SPAG17: variants seen among roughly 807,000 people sequenced by gnomAD.
The protein encoded by SPAG17 is sperm-associated antigen 17.
In SPAG17, 169 loss-of-function variants were observed where a neutral mutation model predicts 273.6. That is an observed-to-expected ratio of 0.62 (90% confidence interval 0.55 to 0.70). The LOEUF (loss-of-function observed/expected upper bound fraction) is 0.70. SPAG17 is among the 30% of genes least tolerant of loss of function. SPAG17 has a pLI of 0.00. For missense variants in SPAG17, 2,557 were observed against 2,627.8 expected (o/e 0.97, Z 0.59); for synonymous variants, 825 against 873.2 (o/e 0.94, Z 0.97).
intron 1 of SPAG17, among the ~76,000 whole-genome samples, chr1:118,174,265 C>A (rs1660575101): frequency 6.6e-6 from 1 of 151,798 alleles, no homozygotes; most frequent in Admixed American, 6.6e-5. Flanking sequence ...ATGAGAATAT[C>A]AACAAAAAGA....
intron 3 of SPAG17, among the ~76,000 whole-genome samples, chr1:118,149,568 G>C (rs532825605): frequency 6.6e-6 from 1 of 152,282 alleles, no homozygotes; most frequent in African/African-American, 2.4e-5. Context: ...GATAACTTTG[G>C]CATGATGGTG....
chr1:118,027,459 A>C, intron 26 of SPAG17, among the ~76,000 whole-genome samples: 1 of 152,226 alleles, frequency 6.6e-6, no homozygotes, highest in South Asian at 2.1e-4. Context: ...TTAAGTTGTG[A>C]AACTGTAAAG....
intron 3 of SPAG17, among the ~76,000 whole-genome samples, chr1:118,145,134 T>G (rs1658903365): frequency 6.6e-6 from 1 of 152,210 alleles, no homozygotes; most frequent in African/African-American, 2.4e-5. Context: ...AGAGCTGCCA[T>G]TTTAATAACT....
intron 48 of SPAG17, chr1:117,954,506 T>C: frequency 3.6e-6 from 5 of 1,405,734 alleles, no homozygotes; most frequent in Non-Finnish European, 4.9e-6. Context: ...AAAATACAGT[T>C]ACCACTCTGT....
At chr1:118,092,042 C>A in intron 8 of SPAG17, 40 bp from the exon 9 acceptor site, 1 of 1,557,254 alleles carries the variant, frequency 6.4e-7, no homozygotes, top group Non-Finnish European at 8.9e-7. Context: ...CTGAGATACC[C>A]AGCTGAGAGA....
At chr1:118,031,177 C>CTTTTTTT (rs1015324627) in intron 25 of SPAG17, among the ~76,000 whole-genome samples, 3 of 54,918 alleles carry the variant, frequency 5.5e-5, no homozygotes, top group East Asian at 5.8e-4. Flanking sequence ...GAGGACTACT[C>CTTTTTTT]TTTTTTTTTT....
chr1:118,175,266 G>C (rs536469858), intron 1 of SPAG17, among the ~76,000 whole-genome samples: 1 of 152,052 alleles, frequency 6.6e-6, no homozygotes, highest in Non-Finnish European at 1.5e-5. Flanking sequence ...CTGACCTCAG[G>C]TGATCCACCC....
At chr1:118,136,674 A>C (rs979795890) in intron 3 of SPAG17, among the ~76,000 whole-genome samples, 2 of 152,094 alleles carry the variant, frequency 1.3e-5, no homozygotes, top group African/African-American at 4.8e-5. Flanking sequence ...AAACGGAGAA[A>C]CTCTTTTCCC....
At chr1:118,066,630 T>A in intron 18 of SPAG17, 115 bp downstream of exon 18, 1 of 801,718 alleles carries the variant, frequency 1.2e-6, no homozygotes. Flanking sequence ...CACAAATGTT[T>A]TCATTGAGCT....
intron 3 of SPAG17, among the ~76,000 whole-genome samples, chr1:118,117,316 G>T (rs913177137): frequency 5.3e-5 from 8 of 152,190 alleles, no homozygotes; most frequent in African/African-American, 1.9e-4. Flanking sequence ...ATGTCTGGGG[G>T]GTTTGGGTGA....
At chr1:117,962,451 A>G (rs1484078327) in intron 48 of SPAG17, 1 of 152,000 alleles carries the variant, frequency 6.6e-6, no homozygotes, top group East Asian at 1.9e-4. Flanking sequence ...ACCTATAGAA[A>G]TTCTGTAGTA....
chr1:118,180,019 T>C (rs891941164), intron 1 of SPAG17, among the ~76,000 whole-genome samples: 2 of 152,072 alleles, frequency 1.3e-5, no homozygotes, highest in Admixed American at 6.6e-5. Flanking sequence ...ACAGACACTA[T>C]AGAAAACTGT....
At chr1:118,182,280 G>C (rs113042291) in intron 1 of SPAG17, among the ~76,000 whole-genome samples, 7 of 152,116 alleles carry the variant, frequency 4.6e-5, no homozygotes, top group Non-Finnish European at 8.8e-5. Flanking sequence ...CAGCTTCCAG[G>C]GGGTGAGGAG....
intron 13 of SPAG17, among the ~76,000 whole-genome samples, chr1:118,082,477 A>G (rs1654663082): frequency 6.6e-6 from 1 of 152,214 alleles, no homozygotes; most frequent in African/African-American, 2.4e-5. Flanking sequence ...CAGAAGAGAG[A>G]CAAGGAAGAG....
intron 20 of SPAG17, among the ~76,000 whole-genome samples, chr1:118,050,396 C>G (rs901551141): frequency 1.3e-5 from 2 of 152,132 alleles, no homozygotes; most frequent in African/African-American, 4.8e-5. Context: ...CCTTATGCCC[C>G]TCAGTTGAAT....
intron 35 of SPAG17, among the ~76,000 whole-genome samples, chr1:117,993,885 G>A (rs992911431): frequency 6.6e-6 from 1 of 152,126 alleles, no homozygotes; most frequent in Non-Finnish European, 1.5e-5. Context: ...TTTAGCTGGA[G>A]CTTCTCTTAA....
intron 3 of SPAG17, among the ~76,000 whole-genome samples, chr1:118,125,661 T>C (rs2102283268): frequency 1.3e-5 from 2 of 152,356 alleles, no homozygotes; most frequent in Middle Eastern, 6.8e-3. Context: ...TCACTTAACA[T>C]TAGATTGTTC....
chr1:118,091,439 C>T (rs1655364366), intron 10 of SPAG17, among the ~76,000 whole-genome samples, 167 bp downstream of exon 10: 1 of 152,124 alleles, frequency 6.6e-6, no homozygotes, highest in African/African-American at 2.4e-5. Flanking sequence ...AGAATTGAAG[C>T]TGAAGATTTA....
chr1:118,099,478 C>T (rs1369814788), intron 6 of SPAG17, 128 bp downstream of exon 6: 1 of 1,011,884 alleles, frequency 9.9e-7, no homozygotes, highest in Non-Finnish European at 1.5e-6. Flanking sequence ...AATGGCAAAT[C>T]AAAGTCTTGA....
Sources: gnomAD v4.1 joint callset for allele counts (sites outside exome capture counted in the v4.1 genomes callset) on GRCh38, gnomAD v4.1.1 for gene constraint, MANE v1.5 for transcripts, NCBI Gene and HGNC (gene_info 2026-07-23, HGNC 2026-07-21) for gene names.